Variants in MAML3 observed in about 807,000 individuals in gnomAD.
The protein encoded by MAML3 is mastermind like transcriptional coactivator 3, also known as mastermind-like protein 3.
MAML3 carries 27 observed loss-of-function variants against 101.9 expected under a neutral mutation model. The observed-to-expected ratio is 0.27, with a 90% CI of 0.20 to 0.37. The LOEUF is 0.37. Ranked by LOEUF, MAML3 falls within the 10% of genes least tolerant of loss-of-function variation. MAML3 has a pLI of 1.00. For missense variants in MAML3, 1,316 were observed against 1,444.9 expected, an observed-to-expected ratio of 0.91 and a Z score of 1.45; for synonymous variants, 501 against 555.9, an observed-to-expected ratio of 0.90 and a Z score of 1.39.
chr4:139,750,874 G>A (rs1258644744), intron 2 of MAML3, among the ~76,000 whole-genome samples: 1 of 152,134 alleles, frequency 6.6e-6, no homozygotes, highest in Non-Finnish European at 1.5e-5. Flanking sequence ...TCAGAAGAAG[G>A]GTTTTTGTTT....
chr4:139,991,267 TC>T (rs1174189396), intron 1 of MAML3, among the ~76,000 whole-genome samples: 1 of 152,162 alleles, frequency 6.6e-6, no homozygotes, highest in Admixed American at 6.5e-5. Flanking sequence ...AACTATCTGA[TC>T]TTTGACAAAC....
chr4:139,962,176 G>A (rs1350317210), intron 1 of MAML3, among the ~76,000 whole-genome samples: 3 of 151,950 alleles, frequency 2.0e-5, no homozygotes, highest in African/African-American at 7.3e-5. Context: ...TATCTAAAGT[G>A]GTGATGTTAA....
At position 139,890,876 on chromosome 4, in the gene MAML3, G is replaced by A. The variant is rs763769241; in HGVS notation, c.560C>T (p.Pro187Leu). 20 of 1,613,648 alleles carry A rather than the reference G, an allele frequency of 1.2e-5. No individual in the cohort carries two copies. The highest frequency in any genetic ancestry group is 3.3e-4 in the Middle Eastern group (2 of 6,062). Residue 187 changes from proline to leucine, a missense_variant, in exon 2 of 5, where the codon CCG (proline) becomes CTG (leucine). Transcript: ENST00000509479. This position sits in a 1 kb window ranked among gnomAD's most constrained non-coding sequence, Gnocchi z 4.1. ...QNGACDGNFS[P>L]TSKRIRKDIS... ...GTCCTTTCGAATTCGTTTGCTAGTC[G>A]GAGAAAAATTCCCATCACAAGCACC...
chr4:139,733,888 A>G (rs1728823539), intron 2 of MAML3, among the ~76,000 whole-genome samples: 1 of 152,138 alleles, frequency 6.6e-6, no homozygotes, highest in Non-Finnish European at 1.5e-5. Flanking sequence ...GTTGTTGCCC[A>G]TCTGTGTTGC....
chr4:139,860,611 A>G (rs188349802), intron 2 of MAML3, among the ~76,000 whole-genome samples: 18 of 152,324 alleles, frequency 1.2e-4, no homozygotes, highest in African/African-American at 3.8e-4. Flanking sequence ...TTAGGCAGGG[A>G]CTGGGCCAGG....
chr4:140,104,976 C>T (rs1728327048), intron 1 of MAML3, among the ~76,000 whole-genome samples: 1 of 151,984 alleles, frequency 6.6e-6, no homozygotes, highest in South Asian at 2.1e-4. Context: ...AGCTTTTCTC[C>T]CTAAACTTTC....
intron 1 of MAML3, among the ~76,000 whole-genome samples, chr4:139,980,201 C>T (rs1433729343): frequency 2.0e-5 from 3 of 152,194 alleles, no homozygotes; most frequent in African/African-American, 7.2e-5. Context: ...TGGGATCCCT[C>T]ATGTCATCTG....
chr4:140,091,115 T>C (rs1451879152), intron 1 of MAML3, among the ~76,000 whole-genome samples: 1 of 152,118 alleles, frequency 6.6e-6, no homozygotes, highest in Non-Finnish European at 1.5e-5. Flanking sequence ...GACAGAGGGC[T>C]TTTTCTAATT....
intron 2 of MAML3, among the ~76,000 whole-genome samples, chr4:139,830,722 G>A (rs1027865607): frequency 5.9e-5 from 9 of 151,878 alleles, no homozygotes; most frequent in Admixed American, 5.9e-4. Context: ...CCTACACTGT[G>A]TTAATTTTTA....
At chr4:139,990,768 G>C (rs1304848325) in intron 1 of MAML3, among the ~76,000 whole-genome samples, 4 of 152,072 alleles carry the variant, frequency 2.6e-5, no homozygotes, top group African/African-American at 9.7e-5. Context: ...CAGACAAACA[G>C]AGAGCCAAAT....
At chr4:140,054,553 TCTC>T (rs1366628576) in intron 1 of MAML3, among the ~76,000 whole-genome samples, 1 of 152,192 alleles carries the variant, frequency 6.6e-6, no homozygotes, top group African/African-American at 2.4e-5. Flanking sequence ...GCCTTGCACC[TCTC>T]CTGTTTTCAC....
intron 1 of MAML3, among the ~76,000 whole-genome samples, chr4:139,948,724 A>G (rs41525745): frequency 0.045 from 6,790 of 152,318 alleles, 533 homozygotes; most frequent in African/African-American, 0.15. Context: ...ATCTCTTCAT[A>G]TTATCCATCA....
In MAML3 at chr4:139,890,310, C is replaced by T. The variant is rs747303362; in HGVS notation, c.1126G>A (p.Ala376Thr). 1.2e-6 allele frequency: 2 copies of T among 1,613,106 alleles called. No individual in the cohort carries two copies. Among genetic ancestry groups the T allele is most frequent in the African/African-American group, 2.7e-5 (2 of 74,864 alleles). ...GGAGGACCAGAAGAAGAAGGCCTCG[C>T]CTGGGGAGATCCCATGGAGACATGT... is the stretch of plus-strand genomic sequence containing the variant. ...FAHVSMGSPQ[A>T]RPSSSGPPFS... Residue 376 changes from alanine (A) to threonine (T), a missense_variant, in exon 2 of 5, where the codon GCG becomes ACG. Transcript: ENST00000509479. The surrounding 1 kb of genome is among the most constrained non-coding windows in gnomAD (Gnocchi z 4.1).
At chr4:139,990,394 C>T (rs1037364061) in intron 1 of MAML3, among the ~76,000 whole-genome samples, 6 of 140,878 alleles carry the variant, frequency 4.3e-5, no homozygotes, top group South Asian at 2.3e-4. Flanking sequence ...ATTGATGGGA[C>T]GTATCTCAAA....
At chr4:139,783,644 G>A (rs566002666) in intron 2 of MAML3, among the ~76,000 whole-genome samples, 1 of 152,284 alleles carries the variant, frequency 6.6e-6, no homozygotes, top group Non-Finnish European at 1.5e-5. Context: ...CTCTGGTTCA[G>A]ACTGTCTCTC....
chr4:139,830,895 G>A (rs539889030), intron 2 of MAML3, among the ~76,000 whole-genome samples: 4 of 152,108 alleles, frequency 2.6e-5, no homozygotes, highest in Middle Eastern at 3.2e-3. Context: ...AGTTATACTA[G>A]CAATGGAGGT....
intron 1 of MAML3, among the ~76,000 whole-genome samples, chr4:139,992,347 C>T (rs1734695043): frequency 6.6e-6 from 1 of 152,096 alleles, no homozygotes; most frequent in African/African-American, 2.4e-5. Context: ...TGGATAGATT[C>T]CTTAGAGTGT....
At chr4:139,926,559 C>G (rs894720775) in intron 1 of MAML3, among the ~76,000 whole-genome samples, 1 of 152,214 alleles carries the variant, frequency 6.6e-6, no homozygotes, top group African/African-American at 2.4e-5. Context: ...GAGATCGCAC[C>G]ACTGCACTCC....
chr4:139,977,028 G>A (rs968907992), intron 1 of MAML3, among the ~76,000 whole-genome samples: 2 of 152,096 alleles, frequency 1.3e-5, no homozygotes, highest in Non-Finnish European at 1.5e-5. Context: ...GAATCAGGTC[G>A]TAAGGGCAGA....
Sources: gnomAD v4.1 joint callset for allele counts (sites outside exome capture counted in the v4.1 genomes callset) on GRCh38, gnomAD v4.1.1 for gene constraint, Gnocchi (gnomAD v3.1) non-coding constraint, MANE v1.5 for transcripts, NCBI Gene and HGNC (gene_info 2026-07-23, HGNC 2026-07-21) for gene names.